The following STARD9 variants were observed in gnomAD, a reference collection of about 807,000 sequenced individuals.
The protein encoded by STARD9 is stAR-related lipid transfer protein 9.
STARD9 carries 346 observed loss-of-function variants against 399.8 expected under a neutral mutation model. The ratio of observed to expected loss-of-function variants is 0.87; its 90% CI spans 0.79 to 0.95. The LOEUF is 0.95. STARD9 is among the 40% of genes least tolerant of loss of function. The probability of loss-of-function intolerance (pLI) is 0.00; values close to 1 mark genes in which losing one functional copy is unlikely to be tolerated. For missense variants in STARD9, 5,832 were observed against 5,667.5 expected, an observed-to-expected ratio of 1.03 and a Z score of -0.93; for synonymous variants, 2,203 against 2,143.5, an observed-to-expected ratio of 1.03 and a Z score of -0.77.
At chr15:42,618,926 T>A (rs749820247) in intron 3 of STARD9, among the ~76,000 whole-genome samples, 1 of 152,160 alleles carries the variant, frequency 6.6e-6, no homozygotes, top group Admixed American at 6.6e-5. Context: ...ATATTTTTTT[T>A]AATCTTTTCC....
chr15:42,588,646 G>C (rs534002388), intron 3 of STARD9, among the ~76,000 whole-genome samples: 1 of 152,166 alleles, frequency 6.6e-6, no homozygotes, highest in African/African-American at 2.4e-5. Flanking sequence ...AGAAATTGGA[G>C]CTCAGGTTTA....
chr15:42,696,708 G>C (rs987826418), intron 26 of STARD9, among the ~76,000 whole-genome samples: 5 of 152,198 alleles, frequency 3.3e-5, no homozygotes, highest in African/African-American at 1.2e-4. Flanking sequence ...AAGACGAACA[G>C]AGGAGGATGT....
At chr15:42,627,693 G>A (rs976206184) in intron 3 of STARD9, among the ~76,000 whole-genome samples, 1 of 152,014 alleles carries the variant, frequency 6.6e-6, no homozygotes, top group Non-Finnish European at 1.5e-5. Flanking sequence ...TTGTCTTTCT[G>A]TGCCTGGTTT....
At chr15:42,631,762 GA>G (rs57133852) in intron 3 of STARD9, among the ~76,000 whole-genome samples, 10,600 of 151,740 alleles carry the variant, frequency 0.07, 1,029 homozygotes, top group African/African-American at 0.22. Flanking sequence ...CAGCTTTTTG[GA>G]ATTGTTTTAT....
Position 42,631,276 on chromosome 15 carries a change from G to T in STARD9, c.235-3580G>T, listed in dbSNP as rs185235067. 7.9e-5 allele frequency among the ~76,000 whole-genome samples: 12 copies of T among 151,930 alleles called. No individual in the cohort carries two copies. The East Asian group carries it at 2.1e-3, about 27-fold the overall frequency. The stretch of plus-strand genomic sequence containing the variant: ...TATCCCATTTGTTTCTTCTGTTTCC[G>T]TATCCATTTGTTTCAAGAAATTTAG... On this transcript the variant is annotated intron_variant, in intron 3 of 32. Coordinates refer to ENST00000290607, the MANE Select transcript of STARD9 (RefSeq NM_020759.3).
chr15:42,581,057 C>T (rs1300983041), intron 1 of STARD9: 3 of 555,748 alleles, frequency 5.4e-6, no homozygotes, highest in Non-Finnish European at 1.0e-5. Flanking sequence ...CACTGTTGAT[C>T]CTATTGGCCA....
chr15:42,581,323 T>A, intron 1 of STARD9: 1 of 1,292,884 alleles, frequency 7.7e-7, no homozygotes, highest in South Asian at 1.2e-5. Flanking sequence ...AGAAACTTTC[T>A]ATCATAAATG....
chr15:42,685,580 C>T lies in STARD9; in HGVS notation c.4002C>T (p.Ser1334=). 6.5e-7 allele frequency: 1 copy of T among 1,537,614 alleles called. No homozygotes were observed. The highest frequency in any genetic ancestry group is 8.7e-7 in the Non-Finnish European group (1 of 1,146,990). The part of the protein sequence containing the change: ...MQLSRESPLM[S]MDSWFSCDSK... ...TTTCAAGAGAGAGCCCACTGATGTC[C>T]ATGGATTCCTGGTTTTCCTGTGACT... The change falls in exon 23 of 33, where the codon TCC becomes TCT. Residue 1334 remains serine (S), a synonymous_variant. Transcript: ENST00000290607.
chr15:42,581,445 C>A, intron 1 of STARD9: 1 of 1,531,774 alleles, frequency 6.5e-7, no homozygotes, highest in East Asian at 2.3e-5. Flanking sequence ...GGGGAAGGCG[C>A]GGCTCTGGCT....
intron 7 of STARD9, among the ~76,000 whole-genome samples, chr15:42,648,385 A>C (rs1260800111): frequency 6.6e-6 from 1 of 151,100 alleles, no homozygotes; most frequent in Non-Finnish European, 1.5e-5. Flanking sequence ...CTGATCTTGA[A>C]CTCCTGACCG....
rs183094452 is a variant in STARD9, at chr15:42,679,492, A to G, written c.1875-1930A>G. Among the ~76,000 whole-genome samples the G allele has an allele frequency of 1.2e-4, 19 of 152,278 alleles. No individual in the cohort carries two copies. In the East Asian group the frequency reaches 3.7e-3, roughly 29 times the overall value. The stretch of plus-strand genomic sequence containing the variant: ...CCTGTTGCAGATTGAATGACCTCAT[A>G]GCCTTCTTCCCTGGGAAGAGACTGT... On this transcript the variant is annotated intron_variant, in intron 20 of 32. Transcript: ENST00000290607.
rs751037664 is a variant in STARD9 at position 42,663,861 on chromosome 15, A to T, written c.1120A>T (p.Thr374Ser). The change falls in exon 13 of 33, where the codon ACA becomes TCA. Residue 374 changes from threonine (T) to serine (S), a missense_variant. By Grantham distance (58) the Thr-to-Ser change is moderately conservative (BLOSUM62 1). This residue lies in a region of STARD9 where 5,828 missense variants were observed against 5,651.1 expected (regional missense o/e 1.03). Transcript: ENST00000290607. ...CACTAGCTACAGTGAGACCATGAGC[A>T]CACTGAGATATGCATCCAGTGCCAA... ...AHTSYSETMSTLRYASSAKNI... is the reference protein window; with the variant it reads ...AHTSYSETMSSLRYASSAKNI... 4.6e-6 allele frequency: 7 copies of T among 1,537,148 alleles called. No homozygotes were observed. In the South Asian group the frequency reaches 8.3e-5, roughly 18 times the overall value.
chr15:42,603,087 G>A lies in STARD9; in HGVS notation c.234+17450G>A, dbSNP rs1375743241. Among the ~76,000 whole-genome samples, 7 of 152,220 alleles carry A rather than the reference G, an allele frequency of 4.6e-5. No homozygotes were observed. The East Asian group carries it at 1.4e-3, about 29-fold the overall frequency. On this transcript the variant is annotated intron_variant, in intron 3 of 32. Transcript: ENST00000290607. ...CTTTTCCAGGATAAAGTTTGAGGTG[G>A]TTGTTACAATATGTTGGCTCCAATT... is the stretch of plus-strand genomic sequence containing the variant.
chr15:42,628,955 T>G (rs745520400), intron 3 of STARD9, among the ~76,000 whole-genome samples: 11 of 152,180 alleles, frequency 7.2e-5, no homozygotes, highest in Non-Finnish European at 2.9e-5. Context: ...TTTTTTCTAT[T>G]TCTGTGAAGA....
chr15:42,575,624 C>CGGGGCTGGGTT lies in STARD9; in HGVS notation c.-84_-74dup, dbSNP rs1161767650. ...CGTCCCCAGAGGCGCGTGGGGCGGG[C>CGGGGCTGGGTT]GGGGCTGGGTTGGGGCTGTGTCTGG... On this transcript the variant is annotated 5_prime_UTR_variant, in exon 1 of 33. Coordinates refer to ENST00000290607, the MANE Select transcript of STARD9 (RefSeq NM_020759.3). 21 of 1,377,208 alleles carry CGGGGCTGGGTT rather than the reference C, an allele frequency of 1.5e-5. No homozygotes were observed. In the East Asian group the frequency reaches 2.7e-4, roughly 18 times the overall value. 85.3% of individuals were successfully genotyped at this position (1,377,208 alleles called of 1,614,324 possible).
At chr15:42,637,121 A>G (rs2059435581) in intron 4 of STARD9, among the ~76,000 whole-genome samples, 1 of 152,054 alleles carries the variant, frequency 6.6e-6, no homozygotes, top group African/African-American at 2.4e-5. Flanking sequence ...AAAAGTATAA[A>G]GCCCTTAACC....
At chr15:42,603,717 T>C (rs1160607083) in intron 3 of STARD9, among the ~76,000 whole-genome samples, 2 of 152,020 alleles carry the variant, frequency 1.3e-5, no homozygotes, top group Admixed American at 6.6e-5. Context: ...GATGAAATCA[T>C]AGGGGGTCAA....
intron 6 of STARD9, 34 bp downstream of exon 6, chr15:42,638,121 G>A (rs1026928968): frequency 1.3e-6 from 2 of 1,518,592 alleles, no homozygotes; most frequent in Admixed American, 2.0e-5. Flanking sequence ...ACCTACAGTA[G>A]TTCTTCTTCT....
At chr15:42,586,605 T>A (rs544891304) in intron 3 of STARD9, among the ~76,000 whole-genome samples, 13 of 152,324 alleles carry the variant, frequency 8.5e-5, no homozygotes, top group African/African-American at 3.1e-4. Context: ...GCTATCAGGG[T>A]ACTTTGCAAA....
Sources: gnomAD v4.1 joint callset for allele counts (sites outside exome capture counted in the v4.1 genomes callset) on GRCh38, gnomAD v4.1.1 for gene constraint, gnomAD v4.1.1 regional missense constraint, MANE v1.5 for transcripts, NCBI Gene and HGNC (gene_info 2026-07-23, HGNC 2026-07-21) for gene names.